RNF19A: variants seen among roughly 807,000 people sequenced by gnomAD.
RNF19A encodes E3 ubiquitin-protein ligase RNF19A.
A neutral mutation model predicts 75.7 loss-of-function variants in RNF19A; 32 were observed. The ratio of observed to expected loss-of-function variants is 0.42; its 90% CI spans 0.32 to 0.57. The LOEUF is 0.57. Among genes scored for constraint, RNF19A ranks in the 20% least tolerant of loss-of-function variants. The probability of loss-of-function intolerance (pLI) is 0.10; values close to 1 mark genes in which losing one functional copy is unlikely to be tolerated. For missense variants in RNF19A, 782 were observed against 1,036.3 expected, an observed-to-expected ratio of 0.75 and a Z score of 3.37; for synonymous variants, 335 against 345.2, an observed-to-expected ratio of 0.97 and a Z score of 0.33.
At chr8:100,290,653 T>C (rs1004736198) in intron 1 of RNF19A, among the ~76,000 whole-genome samples, 1 of 152,228 alleles carries the variant, frequency 6.6e-6, no homozygotes, top group East Asian at 1.9e-4. Flanking sequence ...GAGCTCAATC[T>C]ATACAAATAC....
chr8:100,274,674 C>G (rs1363096288), intron 3 of RNF19A, among the ~76,000 whole-genome samples: 4 of 152,132 alleles, frequency 2.6e-5, no homozygotes, highest in Non-Finnish European at 5.9e-5. Flanking sequence ...AGTGAGCTAC[C>G]ATACCTGGAC....
In RNF19A at chr8:100,268,102, TTC is replaced by T. The variant is rs1327644491; in HGVS notation, c.1191+681_1191+682del. 4.0e-5 allele frequency among the ~76,000 whole-genome samples: 6 copies of T among 149,856 alleles called. No homozygotes were observed. The East Asian group carries it at 9.6e-4, about 24-fold the overall frequency. ...GATCTTCTTGGATACCAAAGAAAAT[TTC>T]TTTTTTTTTTCTTTTAGCTATATTC... On this transcript the variant is annotated intron_variant, in intron 5 of 9. Transcript: ENST00000341084.
At chr8:100,308,507 A>T (rs1400412143) in intron 1 of RNF19A, among the ~76,000 whole-genome samples, 2 of 152,254 alleles carry the variant, frequency 1.3e-5, no homozygotes, top group African/African-American at 4.8e-5. Flanking sequence ...AAGCAAAAAC[A>T]GGCAAACAGG....
At chr8:100,309,819 C>T in intron 1 of RNF19A, 48 bp downstream of exon 1, 1 of 985,616 alleles carries the variant, frequency 1.0e-6, no homozygotes. Flanking sequence ...AGAGCCGCCC[C>T]TTCTCTCCCG....
At chr8:100,305,975 A>G (rs1444928503) in intron 1 of RNF19A, among the ~76,000 whole-genome samples, 2 of 152,180 alleles carry the variant, frequency 1.3e-5, no homozygotes, top group African/African-American at 4.8e-5. Context: ...ATTTATCTGG[A>G]AACCTAACAT....
In RNF19A at chr8:100,260,304, G is replaced by A. The variant is rs942967033; in HGVS notation, c.1683-307C>T. ...CACTCAGCATATGGCACTTTGTAAT[G>A]TTTCAATGCAAAACACAAAGTTAGA... On this transcript the variant is annotated intron_variant, in intron 8 of 9. Coordinates refer to ENST00000341084, the MANE Select transcript of RNF19A (RefSeq NM_183419.4). The surrounding 1 kb of genome is among the most constrained non-coding windows in gnomAD (Gnocchi z 4.1). Among the ~76,000 whole-genome samples, 3 of 152,096 alleles carry A rather than the reference G, an allele frequency of 2.0e-5. No homozygotes were observed. Among genetic ancestry groups the A allele is most frequent in the Non-Finnish European group, 4.4e-5 (3 of 68,004 alleles).
rs372957685 is a variant in RNF19A at position 100,276,347 on chromosome 8, G to A, written c.675-1186C>T. ...AGTCAATCTCAAAATGTTACATACT[G>A]TATGATTCCATTTATATATTTTTGA... On this transcript the variant is annotated intron_variant, in intron 2 of 9. Transcript: ENST00000341084. Among the ~76,000 whole-genome samples, 36 of 152,276 alleles carry A rather than the reference G, an allele frequency of 2.4e-4. No individual in the cohort carries two copies. The East Asian group carries it at 4.2e-3, about 18-fold the overall frequency.
rs1788193 is a variant in RNF19A, at chr8:100,264,449, C to T, written c.1306+222G>A. 381,459 of 579,354 alleles carry T rather than the reference C, an allele frequency of 0.66. 128,160 individuals are homozygous for T. The highest frequency in any genetic ancestry group is 0.9 in the African/African-American group (48,081 of 53,654). 35.9% of individuals were successfully genotyped at this position (579,354 alleles called of 1,614,324 possible). On this transcript the variant is annotated intron_variant, in intron 6 of 9. Coordinates refer to ENST00000341084, the MANE Select transcript of RNF19A (RefSeq NM_183419.4). This position sits in a 1 kb window ranked among gnomAD's most constrained non-coding sequence, Gnocchi z 4.7. ...TTTTTCTTTTGAAGTGCCAGGCCTC[C>T]GAACTGTACTTGGGGTGGAGTGGGG...
intron 5 of RNF19A, among the ~76,000 whole-genome samples, chr8:100,268,055 T>TA (rs1032521217): frequency 6.6e-6 from 1 of 151,834 alleles, no homozygotes; most frequent in Non-Finnish European, 1.5e-5. Flanking sequence ...TTTTATTTTT[T>TA]AAAAAAAGTT....
chr8:100,321,386 C>A (rs1363126978), intron 1 of RNF19A, among the ~76,000 whole-genome samples: 1 of 152,230 alleles, frequency 6.6e-6, no homozygotes, highest in African/African-American at 2.4e-5. Context: ...AAGGGATCAA[C>A]TACTCACCTG....
chr8:100,313,970 C>T (rs1822338186), upstream of RNF19A, among the ~76,000 whole-genome samples: 1 of 144,728 alleles, frequency 6.9e-6, no homozygotes, highest in Admixed American at 7.0e-5. Flanking sequence ...CAACCTCCAC[C>T]TCCTGGGCTT....
At chr8:100,267,497 G>A (rs1034602946) in intron 5 of RNF19A, among the ~76,000 whole-genome samples, 1 of 151,888 alleles carries the variant, frequency 6.6e-6, no homozygotes, top group African/African-American at 2.4e-5. Context: ...AGCCTCCCAA[G>A]TAGCTGGGAC....
rs151016009 is a variant in RNF19A at position 100,260,045 on chromosome 8, T to C, written c.1683-48A>G. On this transcript the variant is annotated intron_variant, in intron 8 of 9. Coordinates refer to ENST00000341084, the MANE Select transcript of RNF19A (RefSeq NM_183419.4). This position sits in a 1 kb window ranked among gnomAD's most constrained non-coding sequence, Gnocchi z 4.1. The stretch of plus-strand genomic sequence containing the variant: ...CCAAAATTATATTTAATATCAGCAC[T>C]ACTGTAATATGTATCTTTAAATAAT... The C allele has an allele frequency of 7.8e-5, 115 of 1,478,574 alleles. No individual in the cohort carries two copies. In the African/African-American group the frequency reaches 1.6e-3, roughly 20 times the overall value. 91.6% of individuals were successfully genotyped at this position (1,478,574 alleles called of 1,614,324 possible).
chr8:100,260,105 A>C lies in RNF19A; in HGVS notation c.1683-108T>G. 1.1e-6 allele frequency: 1 copy of C among 948,948 alleles called. No individual in the cohort carries two copies. Among genetic ancestry groups the C allele is most frequent in the Non-Finnish European group, 1.6e-6 (1 of 619,160 alleles). 58.8% of individuals were successfully genotyped at this position (948,948 alleles called of 1,614,324 possible). A position where few individuals can be genotyped will look rare whatever the true frequency, so the allele number is the denominator to read the frequency against. ...AACCCTAGTAACCAGAAGCTATTTT[A>C]GGAACCATTATTTTTTATTTCCTTT... On this transcript the variant is annotated intron_variant, in intron 8 of 9. Coordinates refer to ENST00000341084, the MANE Select transcript of RNF19A (RefSeq NM_183419.4). This position sits in a 1 kb window ranked among gnomAD's most constrained non-coding sequence, Gnocchi z 4.1.
chr8:100,258,376 A>G lies in RNF19A; in HGVS notation c.*180T>C, dbSNP rs1021973723. ...AATGCACTTTTAAAGCCTTCACTTC[A>G]TAGTTTGGTAACTAAGATCCACATG... On this transcript the variant is annotated 3_prime_UTR_variant, in exon 10 of 10. Transcript: ENST00000341084. This position sits in a 1 kb window ranked among gnomAD's most constrained non-coding sequence, Gnocchi z 4.3. 3 of 547,826 alleles carry G rather than the reference A, an allele frequency of 5.5e-6. No individual in the cohort carries two copies. Among genetic ancestry groups the G allele is most frequent in the Non-Finnish European group, 3.2e-6 (1 of 313,268 alleles). 33.9% of individuals were successfully genotyped at this position (547,826 alleles called of 1,614,324 possible). A position where few individuals can be genotyped will look rare whatever the true frequency, so the allele number is the denominator to read the frequency against.
intron 5 of RNF19A, 90 bp downstream of exon 5, chr8:100,268,683 TAAAAAAAAAAAA>T (rs34297750): frequency 5.6e-6 from 2 of 355,596 alleles, no homozygotes; most frequent in Non-Finnish European, 9.2e-6. Flanking sequence ...ACCCTTTGTC[TAAAAAAAAAAAA>T]AAAAAAAAAC....
intron 1 of RNF19A, chr8:100,309,648 C>A (rs1347214258): frequency 1.1e-6 from 1 of 928,154 alleles, no homozygotes. Context: ...GGGTAGGGGA[C>A]CCGGAGCTGA....
At chr8:100,286,387 A>G (rs1385539477) in intron 2 of RNF19A, among the ~76,000 whole-genome samples, 1 of 152,206 alleles carries the variant, frequency 6.6e-6, no homozygotes, top group Admixed American at 6.5e-5. Flanking sequence ...CAAATCTAAT[A>G]ATGAATAATA....
In RNF19A at chr8:100,303,761, TAAA is replaced by T. The variant is rs60110792; in HGVS notation, c.-94+6103_-94+6105del. Among the ~76,000 whole-genome samples, 565 of 94,332 alleles carry T rather than the reference TAAA, an allele frequency of 6.0e-3. 8 individuals carry two copies. Among genetic ancestry groups the T allele is most frequent in the African/African-American group, 0.022 (544 of 24,466 alleles). 61.9% of individuals were successfully genotyped at this position (94,332 alleles called of 152,430 possible). A position where few individuals can be genotyped will look rare whatever the true frequency, so the allele number is the denominator to read the frequency against. ...CAACATGGCAAAACCTCGCCGCTTGTAAAAAAAAAAAAAAAAAAAAAAAATGAT... is the reference window on the plus strand; with the variant it reads ...CAACATGGCAAAACCTCGCCGCTTGTAAAAAAAAAAAAAAAAAAAAATGAT... On this transcript the variant is annotated intron_variant, in intron 1 of 9. Coordinates refer to ENST00000341084, the MANE Select transcript of RNF19A (RefSeq NM_183419.4).
Sources: allele counts gnomAD v4.1 joint callset (sites outside exome capture counted in the v4.1 genomes callset), GRCh38; gene constraint gnomAD v4.1.1; non-coding constraint Gnocchi (gnomAD v3.1); transcripts MANE v1.5; gene names NCBI Gene and HGNC (gene_info 2026-07-23, HGNC 2026-07-21).